CHTF8: variants seen among roughly 807,000 people sequenced by gnomAD.
The protein encoded by CHTF8 is chromosome transmission fidelity protein 8 homolog.
Under a neutral mutation model 11.0 loss-of-function variants are expected in CHTF8, and 6 were observed. The ratio of observed to expected loss-of-function variants is 0.55; its 90% CI spans 0.30 to 1.08. The LOEUF is 1.08. Among genes scored for constraint, CHTF8 ranks in the 50% least tolerant of loss-of-function variants. The pLI is 0.07. For missense variants in CHTF8, 140 were observed against 153.1 expected (o/e 0.91, Z 0.45); for synonymous variants, 53 against 60.5 (o/e 0.88, Z 0.57).
chr16:69,132,253 C>A (rs1217346817), intron 1 of CHTF8: 2 of 145,558 alleles, frequency 1.4e-5, no homozygotes, highest in African/African-American at 2.6e-5. Context: ...ACCCCGGAGG[C>A]CCCTCCGGGC....
In CHTF8 at chr16:69,118,227, G is replaced by C. The variant is rs1308374490; in HGVS notation, c.*2198C>G. 4.8e-6 allele frequency: 3 copies of C among 621,480 alleles called. No individual in the cohort carries two copies. The highest frequency in any genetic ancestry group is 9.0e-6 in the Non-Finnish European group (3 of 334,166). 38.5% of individuals were successfully genotyped at this position (621,480 alleles called of 1,614,324 possible). Reference sequence around the variant, plus strand: ...GTGAAGAGGGAGTTGGATGAGTAGAGGGGCCTTAAATCTGGCCACCTCTAA... The same window carrying C: ...GTGAAGAGGGAGTTGGATGAGTAGACGGGCCTTAAATCTGGCCACCTCTAA... On this transcript the variant is annotated 3_prime_UTR_variant, in exon 4 of 4. Coordinates refer to ENST00000448552, the MANE Select transcript of CHTF8 (RefSeq NM_001039690.5).
Position 69,118,253 on chromosome 16 carries a change from G to A in CHTF8, c.*2172C>T. Reference sequence around the variant, plus strand: ...GGGCCTTAAATCTGGCCACCTCTAAGTCCCAGGAGAAGGGAGCTGCAGGCC... The same window carrying A: ...GGGCCTTAAATCTGGCCACCTCTAAATCCCAGGAGAAGGGAGCTGCAGGCC... On this transcript the variant is annotated 3_prime_UTR_variant, in exon 4 of 4. Coordinates refer to ENST00000448552, the MANE Select transcript of CHTF8 (RefSeq NM_001039690.5). The A allele has an allele frequency of 1.3e-6, 1 of 751,704 alleles. No homozygotes were observed. Among genetic ancestry groups the A allele is most frequent in the Non-Finnish European group, 2.4e-6 (1 of 420,214 alleles). The allele number at this position is 751,704 out of a possible 1,614,324, so 46.6% of individuals were successfully genotyped here.
In CHTF8 at chr16:69,118,127, A is replaced by ACCCCCCCCCCCATTCCCCCATTCCCC; in HGVS notation, c.*2297_*2298insGGGGAATGGGGGAATGGGGGGGGGGG. On this transcript the variant is annotated 3_prime_UTR_variant, in exon 4 of 4. Transcript: ENST00000448552. ...CAGTGATTTCTTCCCTTCATCCCCCACCCCCACCCTAATTCCCATATTCCC... is the reference window on the plus strand; with the variant it reads ...CAGTGATTTCTTCCCTTCATCCCCCACCCCCCCCCCCATTCCCCCATTCCCCCCCCCACCCTAATTCCCATATTCCC... 7.2e-6 allele frequency: 1 copy of ACCCCCCCCCCCATTCCCCCATTCCCC among 138,046 alleles called. No individual in the cohort carries two copies. The highest frequency in any genetic ancestry group is 1.4e-5 in the Non-Finnish European group (1 of 69,834). 8.6% of individuals were successfully genotyped at this position (138,046 alleles called of 1,614,324 possible).
In CHTF8 at chr16:69,121,237, A is replaced by G. The variant is rs1961631415; in HGVS notation, c.24-67T>C. The G allele has an allele frequency of 2.1e-6, 3 of 1,451,862 alleles. No individual in the cohort carries two copies. The South Asian group carries it at 3.6e-5, about 18-fold the overall frequency. The allele number at this position is 1,451,862 out of a possible 1,614,324, so 89.9% of individuals were successfully genotyped here. A position where few individuals can be genotyped will look rare whatever the true frequency, so the allele number is the denominator to read the frequency against. ...GAAGGATGAATAGTGTCCTCACACC[A>G]CCATTTGAGGCCCAAAGGACCTCTT... is the stretch of plus-strand genomic sequence containing the variant. On this transcript the variant is annotated intron_variant, in intron 2 of 3. Transcript: ENST00000448552.
At chr16:69,123,925 T>TAAAAAAAA (rs757493986) in intron 1 of CHTF8, among the ~76,000 whole-genome samples, 3 of 76,956 alleles carry the variant, frequency 3.9e-5, no homozygotes, top group Non-Finnish European at 7.6e-5. Context: ...CCATCTCTAC[T>TAAAAAAAA]AAAAAAAAAA....
chr16:69,132,463 G>GA, intron 1 of CHTF8, 21 bp downstream of exon 1: 1 of 208,006 alleles, frequency 4.8e-6, no homozygotes, highest in South Asian at 6.6e-5. Context: ...AGCCTCCCGT[G>GA]CCCCCCGCCC....
At chr16:69,130,177 G>C (rs1962393355) in intron 1 of CHTF8, among the ~76,000 whole-genome samples, 1 of 152,186 alleles carries the variant, frequency 6.6e-6, no homozygotes, top group Admixed American at 6.5e-5. Context: ...AATAAAATGT[G>C]GCAGAAGAAA....
At chr16:69,131,764 T>C (rs1335145309) in intron 1 of CHTF8, among the ~76,000 whole-genome samples, 8 of 151,600 alleles carry the variant, frequency 5.3e-5, no homozygotes, top group Admixed American at 2.0e-4. Flanking sequence ...ACGTCCTTTC[T>C]CTACCACCCT....
At chr16:69,121,321 A>T in intron 2 of CHTF8, 115 bp downstream of exon 2, 2 of 1,217,556 alleles carry the variant, frequency 1.6e-6, no homozygotes, top group Non-Finnish European at 2.3e-6. Context: ...TAGAGATCAG[A>T]ATGCAAGGAT....
rs542535095 is a variant in CHTF8 at position 69,125,066 on chromosome 16, G to A, written c.-35-3573C>T. Among the ~76,000 whole-genome samples the A allele has an allele frequency of 6.6e-5, 10 of 152,028 alleles. No individual in the cohort carries two copies. In the East Asian group the frequency reaches 7.7e-4, roughly 12 times the overall value. On this transcript the variant is annotated intron_variant, in intron 1 of 3. Coordinates refer to ENST00000448552, the MANE Select transcript of CHTF8 (RefSeq NM_001039690.5). ...ATTATAGGCATGTGCCACCATGCCC[G>A]GCTAATTTTGTATTTTTAATAGAGA...
At chr16:69,127,319 AAG>A (rs1962141469) in intron 1 of CHTF8, among the ~76,000 whole-genome samples, 6 of 152,136 alleles carry the variant, frequency 3.9e-5, no homozygotes, top group Admixed American at 3.3e-4. Context: ...GAGTAGAAAA[AAG>A]AGGTGGGGAA....
At chr16:69,124,286 T>C (rs920025187) in intron 1 of CHTF8, among the ~76,000 whole-genome samples, 1 of 152,230 alleles carries the variant, frequency 6.6e-6, no homozygotes, top group Non-Finnish European at 1.5e-5. Flanking sequence ...CTACAGCTTC[T>C]GGCTAAGTAC....
intron 1 of CHTF8, among the ~76,000 whole-genome samples, chr16:69,124,914 CTTTT>C (rs573373718): frequency 6.6e-6 from 1 of 151,070 alleles, no homozygotes; most frequent in Non-Finnish European, 1.5e-5. Context: ...ACTCACTAGA[CTTTT>C]TTTGAGACAG....
chr16:69,128,047 T>C (rs934489043), intron 1 of CHTF8, among the ~76,000 whole-genome samples: 2 of 152,152 alleles, frequency 1.3e-5, no homozygotes, highest in African/African-American at 2.4e-5. Context: ...CCCGAGTAAC[T>C]GGAATTACAG....
chr16:69,120,380 G>C lies in CHTF8; in HGVS notation c.*45C>G. On this transcript the variant is annotated 3_prime_UTR_variant, in exon 4 of 4. Coordinates refer to ENST00000448552, the MANE Select transcript of CHTF8 (RefSeq NM_001039690.5). The surrounding 1 kb of genome is among the most constrained non-coding windows in gnomAD (Gnocchi z 4.0). ...CGTCCTCGAGGTGGCAGCGGAGCAC[G>C]AGTCCAAGGAGTTGGCCGCTCTCTA... 6.3e-7 allele frequency: 1 copy of C among 1,586,964 alleles called. No homozygotes were observed. Among genetic ancestry groups the C allele is most frequent in the Non-Finnish European group, 8.7e-7 (1 of 1,155,388 alleles).
chr16:69,119,118 A>C lies in CHTF8; in HGVS notation c.*1307T>G, dbSNP rs1348796541. ...CAGCTGGCCTGGGGAAAGTAACTTG[A>C]CCAGGGCCTAATGGGCCAGTAGACC... On this transcript the variant is annotated 3_prime_UTR_variant, in exon 4 of 4. Coordinates refer to ENST00000448552, the MANE Select transcript of CHTF8 (RefSeq NM_001039690.5). 1 of 703,040 alleles carries C rather than the reference A, an allele frequency of 1.4e-6. No homozygotes were observed. The highest frequency in any genetic ancestry group is 2.0e-5 in the Admixed American group (1 of 50,022). The allele number at this position is 703,040 out of a possible 1,614,324, so 43.6% of individuals were successfully genotyped here.
intron 1 of CHTF8, among the ~76,000 whole-genome samples, chr16:69,128,002 C>A (rs1350380557): frequency 1.3e-5 from 2 of 151,776 alleles, no homozygotes; most frequent in African/African-American, 4.8e-5. Context: ...GCAACCTCCG[C>A]TGCCCAGGAT....
intron 1 of CHTF8, among the ~76,000 whole-genome samples, chr16:69,122,085 C>G (rs116763273): frequency 1.3e-5 from 2 of 152,098 alleles, no homozygotes; most frequent in African/African-American, 4.8e-5. Flanking sequence ...CATGCCTGGC[C>G]GACAACTAAT....
In CHTF8 at chr16:69,118,290, G is replaced by A. The variant is rs1961316449; in HGVS notation, c.*2135C>T. On this transcript the variant is annotated 3_prime_UTR_variant, in exon 4 of 4. Coordinates refer to ENST00000448552, the MANE Select transcript of CHTF8 (RefSeq NM_001039690.5). ...GGGAGCTGCAGGCCCAGTCAGTCAA[G>A]CAGAAACTGCATTCGGTGGGTCTTT... 9.5e-7 allele frequency: 1 copy of A among 1,048,716 alleles called. No homozygotes were observed. Among genetic ancestry groups the A allele is most frequent in the Non-Finnish European group, 1.5e-6 (1 of 668,036 alleles). 65.0% of individuals were successfully genotyped at this position (1,048,716 alleles called of 1,614,324 possible). A position where few individuals can be genotyped will look rare whatever the true frequency, so the allele number is the denominator to read the frequency against.
Sources: gnomAD v4.1 joint callset for allele counts (sites outside exome capture counted in the v4.1 genomes callset) on GRCh38, gnomAD v4.1.1 for gene constraint, Gnocchi (gnomAD v3.1) non-coding constraint, MANE v1.5 for transcripts, NCBI Gene and HGNC (gene_info 2026-07-23, HGNC 2026-07-21) for gene names.